Variants in HLCS observed in about 807,000 individuals in gnomAD.
HLCS encodes biotin--protein ligase.
HLCS carries 53 observed loss-of-function variants against 75.0 expected under a neutral mutation model. That is an observed-to-expected ratio of 0.71 (90% CI 0.57 to 0.89). HLCS has a LOEUF of 0.89. HLCS is among the 40% of genes least tolerant of loss of function. The pLI, the probability that HLCS is intolerant of heterozygous loss-of-function variation, is 0.00. For missense variants in HLCS, 966 were observed against 1,074.0 expected, an observed-to-expected ratio of 0.90 and a Z score of 1.41; for synonymous variants, 431 against 428.6, an observed-to-expected ratio of 1.01 and a Z score of -0.07.
Position 36,794,598 on chromosome 21 carries a change from C to T in HLCS, c.1893-27313G>A, listed in dbSNP as rs142010337. ...GGGACAGATTTGGAAGTGTGCAGGT[C>T]ATAGTAAGAACTCTGGATTTTTTAC... On this transcript the variant is annotated intron_variant, in intron 6 of 10. Coordinates refer to ENST00000674895, the MANE Select transcript of HLCS (RefSeq NM_001352514.2). Among the ~76,000 whole-genome samples the T allele has an allele frequency of 5.9e-5, 9 of 152,252 alleles. No individual in the cohort carries two copies. In the East Asian group the frequency reaches 1.2e-3, roughly 20 times the overall value.
rs999263206 is a variant in HLCS at position 36,750,044 on chromosome 21, G to A, written c.*4202C>T. ...TGAAGGAAGATTCTTACACGAGCTGGCTTCAGGACGGCCAGGGCTGAGTGT... is the reference window on the plus strand; with the variant it reads ...TGAAGGAAGATTCTTACACGAGCTGACTTCAGGACGGCCAGGGCTGAGTGT... On this transcript the variant is annotated 3_prime_UTR_variant, in exon 11 of 11. Transcript: ENST00000674895. The A allele has an allele frequency of 6.6e-6, 1 of 152,220 alleles. No individual in the cohort carries two copies. Among genetic ancestry groups the A allele is most frequent in the African/African-American group, 2.4e-5 (1 of 41,460 alleles). The allele number at this position is 152,220 out of a possible 1,614,324, so 9.4% of individuals were successfully genotyped here. A position where few individuals can be genotyped will look rare whatever the true frequency, so the allele number is the denominator to read the frequency against.
At position 36,896,945 on chromosome 21, in the gene HLCS, A is replaced by G; in HGVS notation, c.1807T>C (p.Tyr603His). 1 of 1,614,196 alleles carries G rather than the reference A, an allele frequency of 6.2e-7. No homozygotes were observed. The change falls in exon 6 of 11, where the codon TAT becomes CAT. Residue 603 changes from tyrosine to histidine, a missense_variant. Coordinates refer to ENST00000674895, the MANE Select transcript of HLCS (RefSeq NM_001352514.2). ...FSSEHFNLEI[Y>H]RQNLQTKQLG... ...TGCTTGGTCTGCAGATTTTGGCGAT[A>G]GATCTCTAAGTTGAAATGTTCTGAT...
chr21:36,937,857 T>G (rs1246354042), intron 3 of HLCS, among the ~76,000 whole-genome samples: 1 of 152,216 alleles, frequency 6.6e-6, no homozygotes, highest in Non-Finnish European at 1.5e-5. Context: ...TTCTTCCCAG[T>G]ATCTTGTCTC....
chr21:36,908,445 T>C (rs1423013971), intron 5 of HLCS, among the ~76,000 whole-genome samples: 1 of 149,632 alleles, frequency 6.7e-6, no homozygotes, highest in Non-Finnish European at 1.5e-5. Context: ...AGATGTGGAG[T>C]AACTAGAACT....
intron 6 of HLCS, among the ~76,000 whole-genome samples, chr21:36,871,589 C>T (rs2063771563): frequency 6.6e-6 from 1 of 152,028 alleles, no homozygotes; most frequent in Non-Finnish European, 1.5e-5. Context: ...TATACCATAG[C>T]ACTTGAAAAA....
intron 7 of HLCS, among the ~76,000 whole-genome samples, chr21:36,766,298 T>C (rs1334403865): frequency 6.6e-6 from 1 of 152,058 alleles, no homozygotes; most frequent in Non-Finnish European, 1.5e-5. Context: ...GGTGGGATTA[T>C]AGGCATGAGC....
intron 2 of HLCS, among the ~76,000 whole-genome samples, chr21:36,950,149 T>G (rs998901961): frequency 6.6e-6 from 1 of 151,124 alleles, no homozygotes; most frequent in African/African-American, 2.4e-5. Flanking sequence ...ATTGTGACCT[T>G]CCTAAAGTGC....
intron 6 of HLCS, among the ~76,000 whole-genome samples, chr21:36,780,900 T>C (rs1253678551): frequency 6.6e-6 from 1 of 151,972 alleles, no homozygotes; most frequent in Non-Finnish European, 1.5e-5. Context: ...AAGAGTTTCT[T>C]ATATATTAGG....
intron 6 of HLCS, among the ~76,000 whole-genome samples, chr21:36,874,434 T>C (rs2063889051): frequency 6.6e-6 from 1 of 151,628 alleles, no homozygotes; most frequent in South Asian, 2.1e-4. Context: ...TAAAATAAAA[T>C]AAATAAATTA....
At chr21:36,910,694 G>C (rs957956876) in intron 5 of HLCS, among the ~76,000 whole-genome samples, 1 of 152,094 alleles carries the variant, frequency 6.6e-6, no homozygotes, top group Non-Finnish European at 1.5e-5. Flanking sequence ...GCAGGTTTGC[G>C]AAATGCCTGT....
chr21:36,977,168 C>A (rs563908880), intron 1 of HLCS, among the ~76,000 whole-genome samples: 2 of 151,944 alleles, frequency 1.3e-5, no homozygotes, highest in Non-Finnish European at 2.9e-5. Context: ...CAAATTTTTT[C>A]TCTGTTAAAA....
intron 6 of HLCS, among the ~76,000 whole-genome samples, chr21:36,810,383 C>T (rs903867510): frequency 2.0e-5 from 3 of 152,120 alleles, no homozygotes; most frequent in Non-Finnish European, 4.4e-5. Flanking sequence ...TATGGTTCAG[C>T]GATCAAAGAT....
chr21:36,864,607 A>AT (rs2063494657), intron 6 of HLCS, among the ~76,000 whole-genome samples: 2 of 152,222 alleles, frequency 1.3e-5, no homozygotes, highest in African/African-American at 4.8e-5. Context: ...AAGTTTTCAT[A>AT]TTATGAATTG....
chr21:36,808,558 G>A (rs929220193), intron 6 of HLCS, among the ~76,000 whole-genome samples: 6 of 152,100 alleles, frequency 3.9e-5, no homozygotes, highest in African/African-American at 9.7e-5. Context: ...ATCGAGGTCC[G>A]TATCTACCCC....
intron 6 of HLCS, among the ~76,000 whole-genome samples, chr21:36,849,013 T>G (rs1311482503): frequency 6.6e-6 from 1 of 152,182 alleles, no homozygotes; most frequent in Admixed American, 6.5e-5. Context: ...CATTCTAGAA[T>G]GGCAATAATA....
In HLCS at chr21:36,756,364, T is replaced by C. The variant is rs558205337; in HGVS notation, c.2450+178A>G. ...GAGACGAGAGACTGAGGCAGGAGAA[T>C]GGCGTGAACCCGGGAGGCGGAGCTT... On this transcript the variant is annotated intron_variant, in intron 10 of 10. Transcript: ENST00000674895. Among the ~76,000 whole-genome samples, 24 of 139,254 alleles carry C rather than the reference T, an allele frequency of 1.7e-4. No individual in the cohort carries two copies. The South Asian group carries it at 1.8e-3, about 10-fold the overall frequency. The allele number at this position is 139,254 out of a possible 152,430, so 91.4% of individuals were successfully genotyped here.
intron 1 of HLCS, among the ~76,000 whole-genome samples, chr21:36,988,625 A>G (rs998484234): frequency 6.6e-6 from 1 of 152,218 alleles, no homozygotes; most frequent in Non-Finnish European, 1.5e-5. Context: ...TTGTTAAACA[A>G]TGCTAAATGT....
intron 6 of HLCS, among the ~76,000 whole-genome samples, chr21:36,801,634 C>T (rs1601312932): frequency 6.6e-6 from 1 of 152,182 alleles, no homozygotes; most frequent in South Asian, 2.1e-4. Flanking sequence ...ATTAATGTTT[C>T]TAGCATGAAT....
chr21:36,814,605 G>A (rs1173285828), intron 6 of HLCS, among the ~76,000 whole-genome samples: 2 of 152,162 alleles, frequency 1.3e-5, no homozygotes, highest in Non-Finnish European at 2.9e-5. Flanking sequence ...GTAGAGAAAA[G>A]GCAGCTCTAA....
Sources: allele counts gnomAD v4.1 joint callset (sites outside exome capture counted in the v4.1 genomes callset), GRCh38; gene constraint gnomAD v4.1.1; transcripts MANE v1.5; gene names NCBI Gene and HGNC (gene_info 2026-07-23, HGNC 2026-07-21).